The following OIT3 variants were observed in gnomAD, a reference collection of about 807,000 sequenced individuals.
OIT3 encodes oncoprotein-induced transcript 3 protein.
A neutral mutation model predicts 52.2 loss-of-function variants in OIT3; 41 were observed. The ratio of observed to expected loss-of-function variants is 0.79; its 90% CI spans 0.61 to 1.02. The LOEUF (loss-of-function observed/expected upper bound fraction) is 1.02. Among genes scored for constraint, OIT3 ranks in the 50% least tolerant of loss-of-function variants. The probability of loss-of-function intolerance (pLI) is 0.00; values close to 1 mark genes in which losing one functional copy is unlikely to be tolerated. For missense variants in OIT3, 634 were observed against 715.5 expected, an observed-to-expected ratio of 0.89 and a Z score of 1.30; for synonymous variants, 244 against 276.9, an observed-to-expected ratio of 0.88 and a Z score of 1.18.
chr10:72,910,112 T>C (rs1443354547), intron 4 of OIT3, among the ~76,000 whole-genome samples: 2 of 152,238 alleles, frequency 1.3e-5, no homozygotes, highest in Non-Finnish European at 2.9e-5. Flanking sequence ...GTTTATTTTG[T>C]ATTTTGTATT....
At chr10:72,929,762 C>T (rs1487706263) in intron 7 of OIT3, among the ~76,000 whole-genome samples, 6 of 152,056 alleles carry the variant, frequency 3.9e-5, no homozygotes, top group Admixed American at 6.6e-5. Flanking sequence ...AGGCTGGTCT[C>T]GAACTCCTTA....
At chr10:72,918,823 C>T in intron 6 of OIT3, among the ~76,000 whole-genome samples, 1 of 152,108 alleles carries the variant, frequency 6.6e-6, no homozygotes, top group East Asian at 1.9e-4. Context: ...TTTTCTGTTC[C>T]ATTGATCTGT....
Position 72,906,737 on chromosome 10 carries a change from G to A in OIT3, c.667+19G>A. 1.3e-6 allele frequency: 2 copies of A among 1,538,074 alleles called. No homozygotes were observed. The highest frequency in any genetic ancestry group is 2.6e-5 in the South Asian group (2 of 77,936). The stretch of plus-strand genomic sequence containing the variant: ...TGTGAAGGTGAGAATGGGCAAAAAG[G>A]GACCCAAATCAAGAGCCCAGAGGAA... On this transcript the variant is annotated intron_variant, in intron 4 of 8. Transcript: ENST00000334011.
intron 8 of OIT3, 112 bp from the exon 9 acceptor site, chr10:72,932,242 T>G (rs983697846): frequency 4.0e-5 from 38 of 954,830 alleles, no homozygotes; most frequent in Non-Finnish European, 6.1e-5. Flanking sequence ...GTGGATGTCC[T>G]TGTTAAGATT....
rs373777568 is a variant in OIT3 at position 72,899,703 on chromosome 10, TGATAGATAGATAGATA to T, written c.437-634_437-619del. Reference sequence around the variant, plus strand: ...AGAACCCCTTTTTAAGATAGATAGATGATAGATAGATAGATAGATAGATAGATAGATAGATAGATAG... The same window carrying T: ...AGAACCCCTTTTTAAGATAGATAGATGATAGATAGATAGATAGATAGATAG... On this transcript the variant is annotated intron_variant, in intron 2 of 8. Coordinates refer to ENST00000334011, the MANE Select transcript of OIT3 (RefSeq NM_152635.3). Among the ~76,000 whole-genome samples the T allele has an allele frequency of 3.2e-3, 460 of 144,954 alleles. 2 individuals are homozygous for T. Among genetic ancestry groups the T allele is most frequent in the South Asian group, 0.013 (55 of 4,382 alleles).
At chr10:72,928,107 C>A (rs568512129) in intron 7 of OIT3, among the ~76,000 whole-genome samples, 1 of 151,992 alleles carries the variant, frequency 6.6e-6, no homozygotes, top group Non-Finnish European at 1.5e-5. Flanking sequence ...TCATTGTCCT[C>A]GGCTTAAATT....
chr10:72,917,294 G>A (rs1422446854), intron 6 of OIT3, among the ~76,000 whole-genome samples: 1 of 151,212 alleles, frequency 6.6e-6, no homozygotes, highest in African/African-American at 2.4e-5. Flanking sequence ...ATAGTTTTGG[G>A]TTTTACATTT....
At chr10:72,915,591 C>A (rs1589526449) in intron 6 of OIT3, among the ~76,000 whole-genome samples, 1 of 152,176 alleles carries the variant, frequency 6.6e-6, no homozygotes, top group Admixed American at 6.5e-5. Flanking sequence ...CACCGCAACT[C>A]ATGTCTGGAG....
intron 3 of OIT3, among the ~76,000 whole-genome samples, chr10:72,900,979 G>C (rs1224363530): frequency 1.3e-5 from 2 of 152,066 alleles, no homozygotes; most frequent in Non-Finnish European, 2.9e-5. Context: ...GAGGTGGGAG[G>C]ATCACTTGAA....
intron 7 of OIT3, among the ~76,000 whole-genome samples, chr10:72,928,493 A>G (rs1027767153): frequency 2.6e-5 from 4 of 152,230 alleles, no homozygotes; most frequent in Non-Finnish European, 5.9e-5. Context: ...AAGAAAAATA[A>G]CAGTTATTTT....
intron 6 of OIT3, among the ~76,000 whole-genome samples, chr10:72,916,158 A>G (rs1317998514): frequency 1.3e-5 from 2 of 152,018 alleles, no homozygotes; most frequent in Non-Finnish European, 2.9e-5. Flanking sequence ...TTTGAAGCTT[A>G]GTTTTATTTT....
At chr10:72,929,064 G>A (rs1056421151) in intron 7 of OIT3, among the ~76,000 whole-genome samples, 2 of 151,910 alleles carry the variant, frequency 1.3e-5, no homozygotes, top group East Asian at 1.9e-4. Context: ...AAAATTAGCC[G>A]GGCATGGTGG....
intron 6 of OIT3, among the ~76,000 whole-genome samples, chr10:72,914,248 G>A (rs1254004853): frequency 6.6e-6 from 1 of 152,180 alleles, no homozygotes; most frequent in Non-Finnish European, 1.5e-5. Flanking sequence ...GGGGTGGGCT[G>A]AGCTTCCAAA....
chr10:72,901,018 T>TG (rs1239247674), intron 3 of OIT3, among the ~76,000 whole-genome samples: 1 of 152,160 alleles, frequency 6.6e-6, no homozygotes, highest in Non-Finnish European at 1.5e-5. Flanking sequence ...CAGTGAGCCA[T>TG]GGTTACACCA....
chr10:72,904,330 T>C (rs1043815102), intron 3 of OIT3, among the ~76,000 whole-genome samples: 2 of 152,116 alleles, frequency 1.3e-5, no homozygotes, highest in Non-Finnish European at 2.9e-5. Flanking sequence ...TAACTCGCTG[T>C]CTGAGGGGTT....
intron 1 of OIT3, among the ~76,000 whole-genome samples, chr10:72,894,196 T>A (rs1292895612): frequency 1.3e-5 from 2 of 151,418 alleles, no homozygotes; most frequent in African/African-American, 4.9e-5. Flanking sequence ...AAAAAAAAAA[T>A]TAAAGTTGAG....
At chr10:72,910,053 G>T (rs901994716) in intron 4 of OIT3, among the ~76,000 whole-genome samples, 20 of 152,054 alleles carry the variant, frequency 1.3e-4, no homozygotes, top group Non-Finnish European at 4.4e-5. Flanking sequence ...AAACATTTTG[G>T]TATATCTTCC....
intron 7 of OIT3, among the ~76,000 whole-genome samples, chr10:72,926,905 A>T (rs1451414445): frequency 6.6e-6 from 1 of 152,192 alleles, no homozygotes; most frequent in Non-Finnish European, 1.5e-5. Flanking sequence ...TATTTAAAGC[A>T]TGTAGTTTGA....
At chr10:72,901,592 A>G (rs1445709886) in intron 3 of OIT3, among the ~76,000 whole-genome samples, 1 of 152,066 alleles carries the variant, frequency 6.6e-6, no homozygotes, top group East Asian at 1.9e-4. Context: ...AAGGAGCATA[A>G]AAGGCTTATT....
Sources: allele counts gnomAD v4.1 joint callset (sites outside exome capture counted in the v4.1 genomes callset), GRCh38; gene constraint gnomAD v4.1.1; transcripts MANE v1.5; gene names NCBI Gene and HGNC (gene_info 2026-07-23, HGNC 2026-07-21).